CNOT2: variants seen among roughly 807,000 people sequenced by gnomAD.
The protein encoded by CNOT2 is CC chemokine receptor 4-negative regulator of transcription 2.
In CNOT2, 7 loss-of-function variants were observed where a neutral mutation model predicts 72.1. That is an observed-to-expected ratio of 0.10 (90% CI 0.06 to 0.18). CNOT2 has a LOEUF of 0.18. CNOT2 is among the 10% of genes least tolerant of loss of function. The pLI, the probability that CNOT2 is intolerant of heterozygous loss-of-function variation, is 1.00. For synonymous variants in CNOT2, 196 were observed against 225.6 expected, an observed-to-expected ratio of 0.87 and a Z score of 1.17; for missense variants, 345 against 660.3, an observed-to-expected ratio of 0.52 and a Z score of 5.23.
intron 1 of CNOT2, among the ~76,000 whole-genome samples, chr12:70,268,736 C>G (rs1226495439): frequency 6.6e-6 from 1 of 152,030 alleles, no homozygotes; most frequent in Non-Finnish European, 1.5e-5. Context: ...GCTGGGATTA[C>G]AGGTGTGAGC....
intron 3 of CNOT2, among the ~76,000 whole-genome samples, chr12:70,316,071 C>G (rs1877280196): frequency 6.6e-6 from 1 of 152,034 alleles, no homozygotes; most frequent in African/African-American, 2.4e-5. Flanking sequence ...TATACTTCAG[C>G]TCTGTGAGGT....
At chr12:70,296,734 G>A (rs1228551295) in intron 2 of CNOT2, among the ~76,000 whole-genome samples, 1 of 149,016 alleles carries the variant, frequency 6.7e-6, no homozygotes. Context: ...TGCAGTGTAG[G>A]TGCCTTTCTG....
intron 1 of CNOT2, among the ~76,000 whole-genome samples, chr12:70,263,087 A>G (rs1053913735): frequency 6.6e-6 from 1 of 152,160 alleles, no homozygotes. Context: ...ATTATTTCTA[A>G]TGAAAAGTTA....
At chr12:70,318,402 TG>T (rs1181023613) in intron 3 of CNOT2, among the ~76,000 whole-genome samples, 4 of 151,922 alleles carry the variant, frequency 2.6e-5, no homozygotes, top group Non-Finnish European at 5.9e-5. Context: ...ACTGGGTTTT[TG>T]TGTTCAATTT....
intron 1 of CNOT2, among the ~76,000 whole-genome samples, chr12:70,250,240 G>C (rs1958075163): frequency 6.6e-6 from 1 of 152,110 alleles, no homozygotes; most frequent in Admixed American, 6.6e-5. Context: ...CCCTGTGCTC[G>C]ATCACCAAAG....
At chr12:70,245,052 G>T (rs923846367) in intron 1 of CNOT2, among the ~76,000 whole-genome samples, 2 of 152,182 alleles carry the variant, frequency 1.3e-5, no homozygotes, top group Admixed American at 6.5e-5. Context: ...AAACGTCAAT[G>T]AATAAATCTC....
chr12:70,296,757 GC>G (rs141226711), intron 2 of CNOT2, among the ~76,000 whole-genome samples: 28,368 of 138,446 alleles, frequency 0.2, 2,845 homozygotes, highest in Middle Eastern at 0.37. Flanking sequence ...CTTTATTTAA[GC>G]CCCCCCCCCT....
intron 14 of CNOT2, chr12:70,344,774 T>A (rs1881950813): frequency 6.6e-6 from 1 of 152,170 alleles, no homozygotes. Flanking sequence ...AGAATTGACA[T>A]AACTCATGGA....
At chr12:70,280,022 G>C (rs1247102579) in intron 2 of CNOT2, among the ~76,000 whole-genome samples, 1 of 152,038 alleles carries the variant, frequency 6.6e-6, no homozygotes, top group African/African-American at 2.4e-5. Flanking sequence ...TATTTATGGG[G>C]TACATGTGGT....
At chr12:70,270,867 AAGAT>A (rs761949318) in intron 1 of CNOT2, among the ~76,000 whole-genome samples, 12 of 152,212 alleles carry the variant, frequency 7.9e-5, no homozygotes, top group Non-Finnish European at 1.8e-4. Flanking sequence ...TGAGCACAGA[AAGAT>A]AGAACTATTG....
chr12:70,296,533 C>T (rs918570669), intron 2 of CNOT2, among the ~76,000 whole-genome samples: 21 of 152,170 alleles, frequency 1.4e-4, no homozygotes, highest in African/African-American at 4.3e-4. Context: ...TATATCTTCA[C>T]TTTTCTTAGA....
At chr12:70,328,410 T>A (rs1759287503) in intron 4 of CNOT2, among the ~76,000 whole-genome samples, 1 of 151,856 alleles carries the variant, frequency 6.6e-6, no homozygotes, top group Admixed American at 6.6e-5. Context: ...TCAGAATAAG[T>A]TTGGTTGATG....
intron 8 of CNOT2, chr12:70,336,595 AT>A (rs1880734634): frequency 6.6e-6 from 1 of 152,040 alleles, no homozygotes; most frequent in African/African-American, 2.4e-5. Flanking sequence ...GAAGGGAAAC[AT>A]TTATTGTTTA....
Position 70,329,476 on chromosome 12 carries a change from C to T in CNOT2, c.292C>T (p.Arg98Cys), listed in dbSNP as rs1245575380. ...GMSNNTPQLNRSLSQGTQLPS... is the reference protein window; with the variant it reads ...GMSNNTPQLNCSLSQGTQLPS... ...GAGCAACAATACCCCTCAGTTAAAT[C>T]GCAGCTTATCACAAGGCACTCAGTT... Residue 98 changes from arginine to cysteine, a missense_variant, in exon 5 of 16, where the codon CGC becomes TGC. Physicochemically the swap from Arg to Cys is radical, Grantham distance 180 (BLOSUM62 -3). Transcript: ENST00000229195. The T allele has an allele frequency of 2.5e-6, 4 of 1,611,622 alleles. No individual in the cohort carries two copies. The highest frequency in any genetic ancestry group is 3.4e-6 in the Non-Finnish European group (4 of 1,178,286).
intron 1 of CNOT2, among the ~76,000 whole-genome samples, chr12:70,265,798 C>G (rs1412209647): frequency 1.3e-5 from 2 of 151,872 alleles, no homozygotes; most frequent in Non-Finnish European, 2.9e-5. Context: ...TGGTTACATC[C>G]TACAGATTGT....
At chr12:70,248,986 CAGTGA>C (rs1958016713) in intron 1 of CNOT2, among the ~76,000 whole-genome samples, 1 of 151,972 alleles carries the variant, frequency 6.6e-6, no homozygotes, top group Non-Finnish European at 1.5e-5. Context: ...ATTTAGGTAA[CAGTGA>C]GTAGACTTGC....
At chr12:70,339,446 G>A (rs912157019) in intron 11 of CNOT2, among the ~76,000 whole-genome samples, 12 of 152,002 alleles carry the variant, frequency 7.9e-5, no homozygotes, top group Non-Finnish European at 5.9e-5. Context: ...TCTGTGGTCA[G>A]TCATAATTGT....
At position 70,338,827 on chromosome 12, in the gene CNOT2, G is replaced by GT. The variant is rs770366958; in HGVS notation, c.1178+11dup. On this transcript the variant is annotated splice_donor_region_variant and intron_variant, in intron 11 of 15. Coordinates refer to ENST00000229195, the MANE Select transcript of CNOT2 (RefSeq NM_014515.7). ...CCTCAATCTGAACTCTCCTGAGTAAGTTTTTTCTGTTTTTCCATGTCTGTA... is the reference window on the plus strand; with the variant it reads ...CCTCAATCTGAACTCTCCTGAGTAAGTTTTTTTCTGTTTTTCCATGTCTGTA... 7 of 1,609,938 alleles carry GT rather than the reference G, an allele frequency of 4.3e-6. No homozygotes were observed. Among genetic ancestry groups the GT allele is most frequent in the Non-Finnish European group, 5.1e-6 (6 of 1,178,120 alleles).
intron 2 of CNOT2, among the ~76,000 whole-genome samples, chr12:70,303,326 A>T (rs1356159591): frequency 6.6e-6 from 1 of 152,212 alleles, no homozygotes; most frequent in Non-Finnish European, 1.5e-5. Context: ...GGTCTTTACA[A>T]TTTGGCATGT....
Sources: gnomAD v4.1 joint callset for allele counts (sites outside exome capture counted in the v4.1 genomes callset) on GRCh38, gnomAD v4.1.1 for gene constraint, MANE v1.5 for transcripts, NCBI Gene and HGNC (gene_info 2026-07-23, HGNC 2026-07-21) for gene names.